Variants in KIRREL1 observed in about 807,000 individuals in gnomAD.
The protein encoded by KIRREL1 is kirre like nephrin family adhesion molecule 1, also known as kin of IRRE-like protein 1.
A neutral mutation model predicts 83.3 loss-of-function variants in KIRREL1; 25 were observed. That is an observed-to-expected ratio of 0.30 (90% CI 0.22 to 0.42). The LOEUF (loss-of-function observed/expected upper bound fraction) is 0.42, where lower values mean the gene tolerates loss of function less well. KIRREL1 is among the 10% of genes least tolerant of loss of function. KIRREL1 has a pLI of 1.00. For missense variants in KIRREL1, 812 were observed against 1,032.3 expected, an observed-to-expected ratio of 0.79 and a Z score of 2.92; for synonymous variants, 388 against 410.4, an observed-to-expected ratio of 0.95 and a Z score of 0.66.
intron 1 of KIRREL1, among the ~76,000 whole-genome samples, chr1:158,012,874 C>G (rs1266670446): frequency 1.3e-5 from 2 of 152,236 alleles, no homozygotes; most frequent in African/African-American, 4.8e-5. Flanking sequence ...CTTGCTTAAG[C>G]TGGACACAGC....
In KIRREL1 at chr1:158,094,572, A is replaced by T; in HGVS notation, c.1798-72A>T. ...GGGAGAGCTGGAGGAAGAGGCCCAGAAAGCCATGGTGAGACTTGATCCCCA... is the reference window on the plus strand; with the variant it reads ...GGGAGAGCTGGAGGAAGAGGCCCAGTAAGCCATGGTGAGACTTGATCCCCA... On this transcript the variant is annotated intron_variant, in intron 14 of 14. Coordinates refer to ENST00000359209, the MANE Select transcript of KIRREL1 (RefSeq NM_018240.7). The surrounding 1 kb of genome is among the most constrained non-coding windows in gnomAD (Gnocchi z 4.6). The T allele has an allele frequency of 7.3e-7, 1 of 1,362,164 alleles. No individual in the cohort carries two copies. Among genetic ancestry groups the T allele is most frequent in the Non-Finnish European group, 1.0e-6 (1 of 971,510 alleles). The allele number at this position is 1,362,164 out of a possible 1,614,324, so 84.4% of individuals were successfully genotyped here. A position where few individuals can be genotyped will look rare whatever the true frequency, so the allele number is the denominator to read the frequency against.
intron 1 of KIRREL1, among the ~76,000 whole-genome samples, chr1:158,061,975 A>G (rs973976367): frequency 6.6e-6 from 1 of 152,078 alleles, no homozygotes; most frequent in Non-Finnish European, 1.5e-5. Context: ...TCCTTCATGG[A>G]AATGAGGGCA....
intron 1 of KIRREL1, among the ~76,000 whole-genome samples, chr1:158,003,171 G>A (rs1448546012): frequency 1.3e-5 from 2 of 152,126 alleles, no homozygotes; most frequent in Non-Finnish European, 2.9e-5. Context: ...GTCAAGCCAT[G>A]AGTTGCTTTT....
intron 1 of KIRREL1, among the ~76,000 whole-genome samples, chr1:158,070,421 C>A (rs1418383024): frequency 6.6e-6 from 1 of 152,160 alleles, no homozygotes; most frequent in East Asian, 1.9e-4. Context: ...AAGGCATCTG[C>A]CTCGGTGCCT....
chr1:158,092,562 TG>T (rs1323140302), intron 11 of KIRREL1, among the ~76,000 whole-genome samples: 2 of 152,094 alleles, frequency 1.3e-5, no homozygotes, highest in Admixed American at 1.3e-4. Context: ...TTAGCCAAGA[TG>T]GTCTCGATCT....
At chr1:158,027,216 A>G (rs1660198755) in intron 1 of KIRREL1, among the ~76,000 whole-genome samples, 1 of 152,180 alleles carries the variant, frequency 6.6e-6, no homozygotes, top group Non-Finnish European at 1.5e-5. Flanking sequence ...TAGGAAACAC[A>G]TTTACTGGTT....
At chr1:158,042,604 G>C (rs1251259995) in intron 1 of KIRREL1, among the ~76,000 whole-genome samples, 5 of 152,028 alleles carry the variant, frequency 3.3e-5, no homozygotes, top group Admixed American at 1.3e-4. Context: ...GCCAGGCACT[G>C]GTCTATGTAC....
At chr1:158,054,722 G>A (rs146499150) in intron 1 of KIRREL1, among the ~76,000 whole-genome samples, 1 of 152,204 alleles carries the variant, frequency 6.6e-6, no homozygotes, top group African/African-American at 2.4e-5. Context: ...TTTGTTGCTC[G>A]CTCTACTAAA....
chr1:158,025,224 G>A (rs946637151), intron 1 of KIRREL1, among the ~76,000 whole-genome samples: 1 of 152,192 alleles, frequency 6.6e-6, no homozygotes, highest in Admixed American at 6.5e-5. Context: ...GGGAAAGAAT[G>A]CATGCACAGA....
At chr1:158,066,392 A>G (rs1224535308) in intron 1 of KIRREL1, among the ~76,000 whole-genome samples, 2 of 152,064 alleles carry the variant, frequency 1.3e-5, no homozygotes, top group African/African-American at 4.8e-5. Context: ...CCTGACCTTA[A>G]AACAATCTTT....
chr1:158,044,881 A>T (rs1660734892), intron 1 of KIRREL1, among the ~76,000 whole-genome samples: 2 of 152,322 alleles, frequency 1.3e-5, no homozygotes, highest in African/African-American at 4.8e-5. Context: ...TAATAGGTAA[A>T]ATATTAGTTA....
intron 1 of KIRREL1, among the ~76,000 whole-genome samples, chr1:158,016,573 A>G (rs4971174): frequency 0.8 from 121,102 of 152,048 alleles, 49,682 homozygotes; most frequent in Non-Finnish European, 0.89. Context: ...TCATGGTGAT[A>G]ATAATGATGA....
chr1:158,056,743 G>T (rs917804969), intron 1 of KIRREL1, among the ~76,000 whole-genome samples: 1 of 152,214 alleles, frequency 6.6e-6, no homozygotes, highest in African/African-American at 2.4e-5. Flanking sequence ...AATGCATCAC[G>T]TTTAGATAGC....
Position 158,086,580 on chromosome 1 carries a change from C to T in KIRREL1, c.511-16C>T. The T allele has an allele frequency of 5.2e-6, 8 of 1,551,480 alleles. No individual in the cohort carries two copies. Among genetic ancestry groups the T allele is most frequent in the Non-Finnish European group, 7.0e-6 (8 of 1,146,874 alleles). On this transcript the variant is annotated splice_polypyrimidine_tract_variant and intron_variant, in intron 4 of 14. Transcript: ENST00000359209. ...CTTTTAGCTTAACCATATCTCCCAC[C>T]CTTGTCATGTTCCAGGAATTGCTGA...
At chr1:158,037,233 G>A (rs1660501927) in intron 1 of KIRREL1, among the ~76,000 whole-genome samples, 2 of 152,142 alleles carry the variant, frequency 1.3e-5, no homozygotes, top group South Asian at 2.1e-4. Context: ...CGTGGCTCAC[G>A]CCCATAATCC....
chr1:158,047,376 G>T (rs995371333), intron 1 of KIRREL1, among the ~76,000 whole-genome samples: 1 of 152,174 alleles, frequency 6.6e-6, no homozygotes, highest in African/African-American at 2.4e-5. Context: ...TCTGACTGGG[G>T]TGGGGAATGG....
intron 1 of KIRREL1, among the ~76,000 whole-genome samples, chr1:158,042,793 G>T (rs1279086328): frequency 6.6e-6 from 1 of 151,774 alleles, no homozygotes; most frequent in East Asian, 1.9e-4. Flanking sequence ...AGCTTTGCCG[G>T]CTGGGCACGG....
At chr1:158,073,330 T>C (rs1661572679) in intron 1 of KIRREL1, among the ~76,000 whole-genome samples, 2 of 152,356 alleles carry the variant, frequency 1.3e-5, no homozygotes, top group South Asian at 2.1e-4. Flanking sequence ...GAAAGTCAGA[T>C]ACCACCTTCT....
At chr1:157,997,870 G>A (rs916710798) in intron 1 of KIRREL1, among the ~76,000 whole-genome samples, 2 of 152,248 alleles carry the variant, frequency 1.3e-5, no homozygotes, top group African/African-American at 4.8e-5. Context: ...TTTCATGGAT[G>A]AGAAACTGAG....
Sources: allele counts gnomAD v4.1 joint callset (sites outside exome capture counted in the v4.1 genomes callset), GRCh38; gene constraint gnomAD v4.1.1; non-coding constraint Gnocchi (gnomAD v3.1); transcripts MANE v1.5; gene names NCBI Gene and HGNC (gene_info 2026-07-23, HGNC 2026-07-21).